Variants in BMPR1A observed in about 807,000 individuals in gnomAD.
BMPR1A encodes the protein bone morphogenetic protein receptor type 1A.
BMPR1A carries 7 observed loss-of-function variants against 66.0 expected under a neutral mutation model. The ratio of observed to expected loss-of-function variants is 0.11; its 90% CI spans 0.06 to 0.20. BMPR1A has a LOEUF of 0.20. Among genes scored for constraint, BMPR1A ranks in the 10% least tolerant of loss-of-function variants. The probability of loss-of-function intolerance (pLI) is 1.00; values close to 1 mark genes in which losing one functional copy is unlikely to be tolerated. For synonymous variants in BMPR1A, 200 were observed against 229.7 expected, an observed-to-expected ratio of 0.87 and a Z score of 1.17; for missense variants, 408 against 669.1, an observed-to-expected ratio of 0.61 and a Z score of 4.31.
chr10:86,842,032 A>T (rs1186769868), intron 2 of BMPR1A, among the ~76,000 whole-genome samples: 2 of 152,182 alleles, frequency 1.3e-5, no homozygotes, highest in Non-Finnish European at 2.9e-5. Context: ...GCTCTAAGCA[A>T]ACTAATAGAA....
chr10:86,835,942 ATGTT>A (rs1400584776), intron 1 of BMPR1A, among the ~76,000 whole-genome samples: 1 of 152,202 alleles, frequency 6.6e-6, no homozygotes, highest in African/African-American at 2.4e-5. Flanking sequence ...TGAGTTATGA[ATGTT>A]AGAATATATT....
intron 1 of BMPR1A, among the ~76,000 whole-genome samples, chr10:86,817,191 CTT>C (rs1280296296): frequency 2.6e-5 from 4 of 152,212 alleles, no homozygotes; most frequent in African/African-American, 7.2e-5. Context: ...CTCCCATACT[CTT>C]TTCATCTGGT....
intron 1 of BMPR1A, among the ~76,000 whole-genome samples, chr10:86,806,802 G>A (rs906737300): frequency 2.0e-5 from 3 of 151,680 alleles, no homozygotes; most frequent in African/African-American, 7.3e-5. Context: ...TGCCTGTGTC[G>A]GCCTCCCAAA....
chr10:86,760,974 A>C (rs887695821), intron 1 of BMPR1A, among the ~76,000 whole-genome samples: 9 of 152,326 alleles, frequency 5.9e-5, no homozygotes, highest in East Asian at 1.9e-4. Context: ...CATTGATTGT[A>C]AGGTGCACCC....
Position 86,924,331 on chromosome 10 carries a change from G to A in BMPR1A, c.*612G>A. The A allele has an allele frequency of 4.2e-6, 1 of 236,298 alleles. No individual in the cohort carries two copies. Among genetic ancestry groups the A allele is most frequent in the East Asian group, 6.0e-5 (1 of 16,644 alleles). The allele number at this position is 236,298 out of a possible 1,614,324, so 14.6% of individuals were successfully genotyped here. On this transcript the variant is annotated 3_prime_UTR_variant, in exon 13 of 13. Transcript: ENST00000372037. ...TATGCATGCACAGGAAGATATTGGT[G>A]GCCGGTGGTTTTGTGCTTTAAAAAT... is the stretch of plus-strand genomic sequence containing the variant.
intron 1 of BMPR1A, among the ~76,000 whole-genome samples, chr10:86,774,065 G>A (rs1212940434): frequency 6.6e-6 from 1 of 151,926 alleles, no homozygotes; most frequent in African/African-American, 2.4e-5. Context: ...TGGCCAGGCT[G>A]GTCTCAAACT....
At chr10:86,814,965 T>C (rs945158039) in intron 1 of BMPR1A, among the ~76,000 whole-genome samples, 4 of 152,138 alleles carry the variant, frequency 2.6e-5, no homozygotes, top group African/African-American at 9.7e-5. Context: ...TTTGTATTTT[T>C]AGTAGAGACA....
intron 1 of BMPR1A, among the ~76,000 whole-genome samples, chr10:86,804,876 A>G (rs1397236930): frequency 7.0e-6 from 1 of 142,194 alleles, no homozygotes; most frequent in Non-Finnish European, 1.5e-5. Context: ...ATTGTCTCCC[A>G]ATTCTAGAGG....
Position 86,882,571 on chromosome 10 carries a change from CT to C in BMPR1A, c.67+6491del, listed in dbSNP as rs1432641031. Among the ~76,000 whole-genome samples the C allele has an allele frequency of 1.3e-4, 20 of 150,148 alleles. No homozygotes were observed. The East Asian group carries it at 3.9e-3, about 29-fold the overall frequency. ...GGGGATTAGATGGGCCCAAAGAGGACTTTTTGGTTTACTTGTGGGGCTCAAT... is the reference window on the plus strand; with the variant it reads ...GGGGATTAGATGGGCCCAAAGAGGACTTTTGGTTTACTTGTGGGGCTCAAT... On this transcript the variant is annotated intron_variant, in intron 3 of 12. Transcript: ENST00000372037.
Position 86,927,643 on chromosome 10 carries a change from A to G in BMPR1A, c.*3924A>G. 1 of 198,138 alleles carries G rather than the reference A, an allele frequency of 5.0e-6. No individual in the cohort carries two copies. The highest frequency in any genetic ancestry group is 1.0e-5 in the Non-Finnish European group (1 of 95,830). The allele number at this position is 198,138 out of a possible 1,614,324, so 12.3% of individuals were successfully genotyped here. A position where few individuals can be genotyped will look rare whatever the true frequency, so the allele number is the denominator to read the frequency against. ...ATGCTCTGTATTCTGTTTTCTATGG[A>G]ATTATTTAAGCCCTTTTAGTGACCT... is the stretch of plus-strand genomic sequence containing the variant. On this transcript the variant is annotated 3_prime_UTR_variant, in exon 13 of 13. Transcript: ENST00000372037.
intron 2 of BMPR1A, among the ~76,000 whole-genome samples, chr10:86,847,064 A>G (rs557347940): frequency 5.9e-5 from 9 of 152,220 alleles, no homozygotes; most frequent in African/African-American, 1.9e-4. Context: ...AATGTTGGCC[A>G]GGCTGGTCTT....
rs138726765 is a variant in BMPR1A, at chr10:86,781,416, C to T, written c.-268+24497C>T. Reference sequence around the variant, plus strand: ...TATCTGTTTTTAATGCTGCACCATGCTGTTTTGGTTACTACAGCCTTGTAG... The same window carrying T: ...TATCTGTTTTTAATGCTGCACCATGTTGTTTTGGTTACTACAGCCTTGTAG... On this transcript the variant is annotated intron_variant, in intron 1 of 12. Coordinates refer to ENST00000372037, the MANE Select transcript of BMPR1A (RefSeq NM_004329.3). 7.8e-3 allele frequency among the ~76,000 whole-genome samples: 1,192 copies of T among 152,218 alleles called. 12 individuals are homozygous for T. The highest frequency in any genetic ancestry group is 0.027 in the African/African-American group (1,125 of 41,510).
At chr10:86,912,939 T>C (rs1843512026) in intron 8 of BMPR1A, among the ~76,000 whole-genome samples, 1 of 152,092 alleles carries the variant, frequency 6.6e-6, no homozygotes, top group South Asian at 2.1e-4. Flanking sequence ...GATGGATTCT[T>C]GGTATCAGGG....
chr10:86,849,517 A>G (rs780767370), intron 2 of BMPR1A, among the ~76,000 whole-genome samples: 1 of 152,154 alleles, frequency 6.6e-6, no homozygotes, highest in Non-Finnish European at 1.5e-5. Context: ...TCCATTTTCG[A>G]TAGTCTACCA....
chr10:86,809,470 A>C (rs1372022795), intron 1 of BMPR1A, among the ~76,000 whole-genome samples: 1 of 150,322 alleles, frequency 6.7e-6, no homozygotes, highest in Non-Finnish European at 1.5e-5. Flanking sequence ...TTGTATTTTT[A>C]TTTTGCCGAG....
chr10:86,822,513 A>G (rs191800129), intron 1 of BMPR1A, among the ~76,000 whole-genome samples: 31 of 152,328 alleles, frequency 2.0e-4, no homozygotes, highest in African/African-American at 6.5e-4. Flanking sequence ...TAAAAGTACA[A>G]TGTTTAGAGT....
In BMPR1A at chr10:86,790,188, AATATATATATATATAT is replaced by A. The variant is rs1228412063; in HGVS notation, c.-268+33302_-268+33317del. On this transcript the variant is annotated intron_variant, in intron 1 of 12. Transcript: ENST00000372037. The stretch of plus-strand genomic sequence containing the variant: ...AAAAAAAAAAAAAAAAAAAAAAAAA[AATATATATATATATAT>A]ATATATATATATATATATATATATA... Among the ~76,000 whole-genome samples the A allele has an allele frequency of 7.3e-3, 147 of 20,236 alleles. 7 individuals are homozygous for A. Among genetic ancestry groups the A allele is most frequent in the African/African-American group, 0.02 (62 of 3,106 alleles). 13.3% of individuals were successfully genotyped at this position (20,236 alleles called of 152,430 possible).
chr10:86,790,115 C>T (rs1488079149), intron 1 of BMPR1A, among the ~76,000 whole-genome samples: 1 of 71,544 alleles, frequency 1.4e-5, no homozygotes, highest in Non-Finnish European at 3.4e-5. Flanking sequence ...GAGATCTTGC[C>T]ACTGCCACTG....
At chr10:86,876,927 G>T (rs1376895036) in intron 3 of BMPR1A, among the ~76,000 whole-genome samples, 1 of 152,194 alleles carries the variant, frequency 6.6e-6, no homozygotes, top group Non-Finnish European at 1.5e-5. Context: ...TCACAGCTTA[G>T]AACTCCCAAA....
Sources: allele counts gnomAD v4.1 joint callset (sites outside exome capture counted in the v4.1 genomes callset), GRCh38; gene constraint gnomAD v4.1.1; transcripts MANE v1.5; gene names NCBI Gene and HGNC (gene_info 2026-07-23, HGNC 2026-07-21).